STAT4: variants seen among roughly 807,000 people sequenced by gnomAD.
STAT4 encodes the protein signal transducer and activator of transcription 4.
Under a neutral mutation model 110.5 loss-of-function variants are expected in STAT4, and 42 were observed. The ratio of observed to expected loss-of-function variants is 0.38; its 90% CI spans 0.30 to 0.49. The LOEUF is 0.49. Ranked by LOEUF, STAT4 falls within the 20% of genes least tolerant of loss-of-function variation. STAT4 has a pLI of 0.95. For missense variants in STAT4, 632 were observed against 887.9 expected, an observed-to-expected ratio of 0.71 and a Z score of 3.66; for synonymous variants, 284 against 302.2, an observed-to-expected ratio of 0.94 and a Z score of 0.63.
At chr2:191,034,238 C>A (rs758475439) in intron 18 of STAT4, among the ~76,000 whole-genome samples, 8 of 151,900 alleles carry the variant, frequency 5.3e-5, no homozygotes, top group Non-Finnish European at 1.2e-4. Context: ...CTGACTAACA[C>A]GGTGAAACCC....
chr2:191,137,241 G>A (rs567926694), intron 3 of STAT4, among the ~76,000 whole-genome samples: 11 of 152,200 alleles, frequency 7.2e-5, no homozygotes, highest in Admixed American at 3.9e-4. Context: ...TACTCTTCTC[G>A]GGAGGCTGAG....
At position 191,066,447 on chromosome 2, in the gene STAT4, G is replaced by T. The variant is rs1696988710; in HGVS notation, c.613C>A (p.Leu205Ile). 6.2e-7 allele frequency: 1 copy of T among 1,613,300 alleles called. No homozygotes were observed. Among genetic ancestry groups the T allele is most frequent in the Non-Finnish European group, 8.5e-7 (1 of 1,179,530 alleles). Residue 205 changes from leucine to isoleucine, a missense_variant, in exon 7 of 24, where the codon CTC (leucine) becomes ATC (isoleucine). Around this residue, in one of 4 missense-constraint regions of STAT4, gnomAD observed 488 missense variants for 632.8 expected, o/e 0.77. Coordinates refer to ENST00000392320, the MANE Select transcript of STAT4 (RefSeq NM_003151.4). This position sits in a 1 kb window ranked among gnomAD's most constrained non-coding sequence, Gnocchi z 4.3. ...VLTLQEMLNSLDFKRKEALSK... is the reference protein window; with the variant it reads ...VLTLQEMLNSIDFKRKEALSK... ...TCACTAACCTTTCTCTTGAAATCGA[G>T]GCTGTTAAGCATTTCCTGCAGTGTC... is the stretch of plus-strand genomic sequence containing the variant.
rs574942226 is a variant in STAT4 at position 191,117,586 on chromosome 2, T to C, written c.273+29027A>G. ...GGAGTGCAGAGGAGAGAAAACTCGATGTGGATTTTAATGACACATAGAGAA... is the reference window on the plus strand; with the variant it reads ...GGAGTGCAGAGGAGAGAAAACTCGACGTGGATTTTAATGACACATAGAGAA... On this transcript the variant is annotated intron_variant, in intron 3 of 23. Coordinates refer to ENST00000392320, the MANE Select transcript of STAT4 (RefSeq NM_003151.4). This position sits in a 1 kb window ranked among gnomAD's most constrained non-coding sequence, Gnocchi z 5.2. Among the ~76,000 whole-genome samples, 7 of 152,250 alleles carry C rather than the reference T, an allele frequency of 4.6e-5. No individual in the cohort carries two copies. The highest frequency in any genetic ancestry group is 2.1e-4 in the South Asian group (1 of 4,822).
At chr2:191,108,244 T>C (rs1443582221) in intron 3 of STAT4, among the ~76,000 whole-genome samples, 1 of 150,492 alleles carries the variant, frequency 6.6e-6, no homozygotes. Context: ...TGAGCCGAGA[T>C]CGCGCCACTA....
At chr2:191,120,740 G>A (rs890122492) in intron 3 of STAT4, among the ~76,000 whole-genome samples, 3 of 152,236 alleles carry the variant, frequency 2.0e-5, no homozygotes, top group Non-Finnish European at 4.4e-5. Flanking sequence ...AGCGGAAACT[G>A]GATCCCTTCC....
chr2:191,139,354 G>C (rs1699261844), intron 3 of STAT4, among the ~76,000 whole-genome samples: 1 of 152,142 alleles, frequency 6.6e-6, no homozygotes, highest in Non-Finnish European at 1.5e-5. Flanking sequence ...AAACTCTAAA[G>C]ACTCATCCAG....
chr2:191,076,096 C>A, intron 4 of STAT4, 131 bp downstream of exon 4: 1 of 689,608 alleles, frequency 1.5e-6, no homozygotes, highest in Admixed American at 2.7e-5. Context: ...TCAAATGATC[C>A]TCCCACCTTT....
chr2:191,131,006 TAAA>T (rs1353305781), intron 3 of STAT4, among the ~76,000 whole-genome samples: 3 of 151,442 alleles, frequency 2.0e-5, no homozygotes, highest in Non-Finnish European at 4.4e-5. Context: ...AGAAAAATAA[TAAA>T]AAGTAAAATG....
rs1406172725 is a variant in STAT4 at position 191,141,000 on chromosome 2, TATC to T, written c.273+5610_273+5612del. 6.6e-6 allele frequency among the ~76,000 whole-genome samples: 1 copy of T among 151,872 alleles called. No individual in the cohort carries two copies. The highest frequency in any genetic ancestry group is 1.9e-4 in the East Asian group (1 of 5,166). ...AGTAACTCATAAATGGAAAACCAAATATCATATGTTCTCACAAGTGGGAGCTAA... is the reference window on the plus strand; with the variant it reads ...AGTAACTCATAAATGGAAAACCAAATATATGTTCTCACAAGTGGGAGCTAA... On this transcript the variant is annotated intron_variant, in intron 3 of 23. Coordinates refer to ENST00000392320, the MANE Select transcript of STAT4 (RefSeq NM_003151.4). This position sits in a 1 kb window ranked among gnomAD's most constrained non-coding sequence, Gnocchi z 4.4.
chr2:191,078,039 A>C (rs559342659), intron 3 of STAT4, among the ~76,000 whole-genome samples: 1 of 151,680 alleles, frequency 6.6e-6, no homozygotes, highest in East Asian at 1.9e-4. Flanking sequence ...CCTATATTCA[A>C]CTCTCCAAGA....
chr2:191,147,965 C>A lies in STAT4; in HGVS notation c.128+111G>T. On this transcript the variant is annotated intron_variant, in intron 2 of 23. Transcript: ENST00000392320. The surrounding 1 kb of genome is among the most constrained non-coding windows in gnomAD (Gnocchi z 4.1). ...TTCAAATCCTTGAGAAAGTTCTTTA[C>A]CTGAAAAGAATGCATCTACTGAGTA... 1 of 1,430,992 alleles carries A rather than the reference C, an allele frequency of 7.0e-7. No homozygotes were observed. The highest frequency in any genetic ancestry group is 9.4e-7 in the Non-Finnish European group (1 of 1,058,396). 88.6% of individuals were successfully genotyped at this position (1,430,992 alleles called of 1,614,324 possible).
At chr2:191,079,445 A>C (rs541093526) in intron 3 of STAT4, among the ~76,000 whole-genome samples, 7 of 152,098 alleles carry the variant, frequency 4.6e-5, no homozygotes, top group Non-Finnish European at 1.0e-4. Context: ...TAGAATAAAT[A>C]TCTTTTTCCT....
In STAT4 at chr2:191,047,981, A is replaced by G. The variant is rs572671418; in HGVS notation, c.1251+6509T>C. 2.8e-4 allele frequency among the ~76,000 whole-genome samples: 42 copies of G among 152,262 alleles called. 1 individual carries two copies. The highest frequency in any genetic ancestry group is 7.5e-4 in the African/African-American group (31 of 41,552). On this transcript the variant is annotated intron_variant, in intron 14 of 23. Coordinates refer to ENST00000392320, the MANE Select transcript of STAT4 (RefSeq NM_003151.4). ...ACGCCTGGTCTATAGTTTAATTTCTATGAATAAATATACATACGATAATTC... is the reference window on the plus strand; with the variant it reads ...ACGCCTGGTCTATAGTTTAATTTCTGTGAATAAATATACATACGATAATTC...
chr2:191,066,938 C>A lies in STAT4; in HGVS notation c.545-423G>T, dbSNP rs565783599. Among the ~76,000 whole-genome samples, 42 of 152,084 alleles carry A rather than the reference C, an allele frequency of 2.8e-4. No individual in the cohort carries two copies. The highest frequency in any genetic ancestry group is 5.6e-4 in the Non-Finnish European group (38 of 68,006). On this transcript the variant is annotated intron_variant, in intron 6 of 23. Coordinates refer to ENST00000392320, the MANE Select transcript of STAT4 (RefSeq NM_003151.4). This position sits in a 1 kb window ranked among gnomAD's most constrained non-coding sequence, Gnocchi z 4.3. ...TGACTCTCTGTTGCCTTCACATACC[C>A]CTCCCTGCTCTGCTTCATATGCAGG... is the stretch of plus-strand genomic sequence containing the variant.
At chr2:191,108,752 G>A (rs776074994) in intron 3 of STAT4, among the ~76,000 whole-genome samples, 14 of 152,140 alleles carry the variant, frequency 9.2e-5, no homozygotes, top group Non-Finnish European at 1.5e-4. Context: ...TGGGCCTGAC[G>A]GATTTAAACC....
At chr2:191,076,147 C>A (rs781621954) in intron 4 of STAT4, 80 bp downstream of exon 4, 2 of 1,198,610 alleles carry the variant, frequency 1.7e-6, no homozygotes, top group Non-Finnish European at 1.2e-6. Context: ...AGCCACTGTA[C>A]CCTACCAAAG....
At chr2:191,108,018 C>T (rs1041842820) in intron 3 of STAT4, among the ~76,000 whole-genome samples, 1 of 151,904 alleles carries the variant, frequency 6.6e-6, no homozygotes, top group Non-Finnish European at 1.5e-5. Flanking sequence ...TGGCCGGGTG[C>T]GGGGGCTCAC....
intron 14 of STAT4, among the ~76,000 whole-genome samples, chr2:191,041,960 TAA>T (rs1013430426): frequency 1.3e-5 from 2 of 152,306 alleles, no homozygotes; most frequent in African/African-American, 4.8e-5. Flanking sequence ...CTGTGTGTGC[TAA>T]AGAGTGGAAG....
In STAT4 at chr2:191,029,595, T is replaced by A. The variant is rs1229208135; in HGVS notation, c.*245A>T. On this transcript the variant is annotated 3_prime_UTR_variant, in exon 24 of 24. Transcript: ENST00000392320. This position sits in a 1 kb window ranked among gnomAD's most constrained non-coding sequence, Gnocchi z 4.5. ...AGCGAGTCTTCTGTTAATATTGTTA[T>A]TAACACTGGTTTCTTAAAGTTGTCT... The A allele has an allele frequency of 1.0e-4, 52 of 503,756 alleles. No homozygotes were observed. Among genetic ancestry groups the A allele is most frequent in the Non-Finnish European group, 3.4e-5 (10 of 290,320 alleles). The allele number at this position is 503,756 out of a possible 1,614,324, so 31.2% of individuals were successfully genotyped here.
Sources: allele counts gnomAD v4.1 joint callset (sites outside exome capture counted in the v4.1 genomes callset), GRCh38; gene constraint gnomAD v4.1.1; regional missense constraint gnomAD v4.1.1; non-coding constraint Gnocchi (gnomAD v3.1); transcripts MANE v1.5; gene names NCBI Gene and HGNC (gene_info 2026-07-23, HGNC 2026-07-21).